NKAIN3: variants seen among roughly 807,000 people sequenced by gnomAD.
The protein encoded by NKAIN3 is sodium/potassium transporting ATPase interacting 3.
In NKAIN3, 25 loss-of-function variants were observed where a neutral mutation model predicts 30.2. The ratio of observed to expected loss-of-function variants is 0.83; its 90% CI spans 0.60 to 1.16. The LOEUF is 1.16. Among genes scored for constraint, NKAIN3 ranks in the 50% most tolerant of loss-of-function variants. The pLI is 0.00. For synonymous variants in NKAIN3, 91 were observed against 89.6 expected (o/e 1.02, Z -0.09); for missense variants, 225 against 254.1 (o/e 0.89, Z 0.78).
At chr8:62,636,763 T>C (rs16929323) in intron 3 of NKAIN3, among the ~76,000 whole-genome samples, 44,751 of 152,086 alleles carry the variant, frequency 0.29, 7,889 homozygotes, top group African/African-American at 0.5. Flanking sequence ...AAAAATCATG[T>C]CACTGGTATA....
intron 5 of NKAIN3, among the ~76,000 whole-genome samples, chr8:62,927,755 ACTAATCATTC>A (rs1767813096): frequency 6.6e-6 from 1 of 152,190 alleles, no homozygotes. Context: ...TAAAATATTA[ACTAATCATTC>A]CTACTATAGA....
intron 1 of NKAIN3, among the ~76,000 whole-genome samples, chr8:62,388,573 C>T (rs930055592): frequency 8.5e-5 from 13 of 152,166 alleles, no homozygotes; most frequent in African/African-American, 2.2e-4. Flanking sequence ...AAACCCTGGC[C>T]GTGATATTGA....
At chr8:62,870,386 T>A (rs1820588956) in intron 4 of NKAIN3, among the ~76,000 whole-genome samples, 2 of 137,444 alleles carry the variant, frequency 1.5e-5, no homozygotes, top group South Asian at 2.2e-4. Flanking sequence ...ACACTATATA[T>A]GTACAATATA....
intron 1 of NKAIN3, among the ~76,000 whole-genome samples, chr8:62,466,173 A>G (rs557466139): frequency 6.6e-6 from 1 of 152,302 alleles, no homozygotes; most frequent in South Asian, 2.1e-4. Flanking sequence ...CAAGTTAATA[A>G]TGTATTATTA....
In NKAIN3 at chr8:62,981,782, A is replaced by G. The variant is rs1824086923; in HGVS notation, c.*16375A>G. 6.6e-6 allele frequency: 1 copy of G among 151,966 alleles called. No individual in the cohort carries two copies. Among genetic ancestry groups the G allele is most frequent in the African/African-American group, 2.4e-5 (1 of 41,394 alleles). 9.4% of individuals were successfully genotyped at this position (151,966 alleles called of 1,614,324 possible). On this transcript the variant is annotated 3_prime_UTR_variant, in exon 7 of 7. Transcript: ENST00000623646. ...AAAAAAAAAAGATCTCTATCCCAATAGATTTTATAAAATCCATACTCTAAA... is the reference window on the plus strand; with the variant it reads ...AAAAAAAAAAGATCTCTATCCCAATGGATTTTATAAAATCCATACTCTAAA...
At chr8:62,337,845 T>C (rs914922238) in intron 1 of NKAIN3, among the ~76,000 whole-genome samples, 1 of 152,044 alleles carries the variant, frequency 6.6e-6, no homozygotes, top group Non-Finnish European at 1.5e-5. Flanking sequence ...TGCAGTTTAT[T>C]TCATAAACTG....
In NKAIN3 at chr8:62,969,907, A is replaced by G. The variant is rs79922517; in HGVS notation, c.*4500A>G. On this transcript the variant is annotated 3_prime_UTR_variant, in exon 7 of 7. Coordinates refer to ENST00000623646, the MANE Select transcript of NKAIN3 (RefSeq NM_001304533.3). Reference sequence around the variant, plus strand: ...GCACAGTGAACAATTTAGAAAGGGAACAGATGACCAGACACAGTGGCTCAT... The same window carrying G: ...GCACAGTGAACAATTTAGAAAGGGAGCAGATGACCAGACACAGTGGCTCAT... Among the ~76,000 whole-genome samples, 2,611 of 152,208 alleles carry G rather than the reference A, an allele frequency of 0.017. 78 individuals are homozygous for G. The highest frequency in any genetic ancestry group is 0.06 in the African/African-American group (2,489 of 41,516).
At chr8:62,724,710 C>A (rs1815201402) in intron 3 of NKAIN3, among the ~76,000 whole-genome samples, 1 of 152,042 alleles carries the variant, frequency 6.6e-6, no homozygotes, top group Admixed American at 6.6e-5. Context: ...ATGACAGGAT[C>A]TCATTCTTTG....
chr8:62,477,264 A>G (rs1806549540), intron 1 of NKAIN3, among the ~76,000 whole-genome samples: 1 of 152,206 alleles, frequency 6.6e-6, no homozygotes, highest in South Asian at 2.1e-4. Context: ...AAATGTACGC[A>G]TGCACACACA....
chr8:62,668,703 A>G (rs1359221939), intron 3 of NKAIN3, among the ~76,000 whole-genome samples: 1 of 152,228 alleles, frequency 6.6e-6, no homozygotes. Flanking sequence ...GTGAAAGGTG[A>G]AGGAAAGAGA....
intron 4 of NKAIN3, among the ~76,000 whole-genome samples, chr8:62,773,731 C>A (rs182368917): frequency 6.6e-6 from 1 of 152,096 alleles, no homozygotes; most frequent in Non-Finnish European, 1.5e-5. Flanking sequence ...ATAAGACATG[C>A]CTTTGCTCCT....
At chr8:62,718,167 C>G (rs1392777955) in intron 3 of NKAIN3, among the ~76,000 whole-genome samples, 1 of 152,162 alleles carries the variant, frequency 6.6e-6, no homozygotes, top group Non-Finnish European at 1.5e-5. Flanking sequence ...AATTACCTCC[C>G]ACTGGGTCCC....
chr8:62,827,171 T>G (rs780252233), intron 4 of NKAIN3, among the ~76,000 whole-genome samples: 1 of 152,216 alleles, frequency 6.6e-6, no homozygotes, highest in Non-Finnish European at 1.5e-5. Context: ...TTGCTTTGCA[T>G]CATTGTTGTA....
chr8:62,811,324 T>A lies in NKAIN3; in HGVS notation c.471+64195T>A, dbSNP rs1413308379. On this transcript the variant is annotated intron_variant, in intron 4 of 6. Transcript: ENST00000623646. ...TGGGCCATTACAAATAAAGCTGTTA[T>A]GAACATTTATGTAAAGGTTTTTATG... Among the ~76,000 whole-genome samples, 3 of 152,258 alleles carry A rather than the reference T, an allele frequency of 2.0e-5. No homozygotes were observed. In the East Asian group the frequency reaches 5.8e-4, roughly 29 times the overall value.
chr8:62,866,385 G>T (rs1285783846), intron 4 of NKAIN3, among the ~76,000 whole-genome samples: 2 of 152,156 alleles, frequency 1.3e-5, no homozygotes, highest in Non-Finnish European at 2.9e-5. Context: ...TTTATGTGTG[G>T]CTACAACAAA....
intron 3 of NKAIN3, among the ~76,000 whole-genome samples, chr8:62,639,135 C>T (rs986333014): frequency 6.6e-6 from 1 of 152,072 alleles, no homozygotes; most frequent in Non-Finnish European, 1.5e-5. Context: ...GGCAGACAGA[C>T]ACAGGAAAGC....
chr8:62,916,574 A>C (rs1178088388), intron 4 of NKAIN3, among the ~76,000 whole-genome samples: 1 of 152,100 alleles, frequency 6.6e-6, no homozygotes, highest in African/African-American at 2.4e-5. Flanking sequence ...TTTGGATCAT[A>C]TTTCAAGCAG....
chr8:62,266,092 C>T (rs894735536), intron 1 of NKAIN3, among the ~76,000 whole-genome samples: 2 of 152,130 alleles, frequency 1.3e-5, no homozygotes, highest in Non-Finnish European at 2.9e-5. Flanking sequence ...TGTTTGGGTC[C>T]TAGAAAGTCT....
chr8:62,741,710 C>T (rs191510535), intron 3 of NKAIN3, among the ~76,000 whole-genome samples: 2 of 152,286 alleles, frequency 1.3e-5, no homozygotes, highest in East Asian at 3.9e-4. Context: ...ACTCTAATTG[C>T]AGCTTTGTGT....
Sources: gnomAD v4.1 joint callset for allele counts (sites outside exome capture counted in the v4.1 genomes callset) on GRCh38, gnomAD v4.1.1 for gene constraint, MANE v1.5 for transcripts, NCBI Gene and HGNC (gene_info 2026-07-23, HGNC 2026-07-21) for gene names.